Variants in FHIP2B observed in about 807,000 individuals in gnomAD.
The protein encoded by FHIP2B is FHF complex subunit HOOK interacting protein 2B, also known as FHF complex subunit HOOK-interacting protein 2B.
Under a neutral mutation model 84.0 loss-of-function variants are expected in FHIP2B, and 72 were observed. The observed-to-expected ratio is 0.86, with a 90% CI of 0.71 to 1.04. The LOEUF (loss-of-function observed/expected upper bound fraction) is 1.04, where lower values mean the gene tolerates loss of function less well. FHIP2B is among the 50% of genes least tolerant of loss of function. The pLI is 0.00. For synonymous variants in FHIP2B, 497 were observed against 418.7 expected (o/e 1.19, Z -2.28); for missense variants, 972 against 968.9 (o/e 1.00, Z -0.04).
At chr8:22,102,051 C>G (rs1415280715) in intron 14 of FHIP2B, 124 bp from the exon 15 acceptor site, 1 of 1,563,410 alleles carries the variant, frequency 6.4e-7, no homozygotes, top group Non-Finnish European at 8.6e-7. Flanking sequence ...ATCCATGACA[C>G]ACACACATCA....
chr8:22,102,379 A>C (rs1826173040), intron 15 of FHIP2B, 64 bp downstream of exon 15: 5 of 1,350,586 alleles, frequency 3.7e-6, no homozygotes, highest in East Asian at 2.5e-5. Context: ...GGGAAAGGGA[A>C]CGGGGCAGGT....
intron 12 of FHIP2B, 108 bp from the exon 13 acceptor site, chr8:22,101,332 C>CTATT: frequency 1.1e-6 from 1 of 898,050 alleles, no homozygotes; most frequent in South Asian, 1.6e-5. Context: ...CTGAGTTTTA[C>CTATT]TCTTTGGCCA....
At position 22,099,803 on chromosome 8, in the gene FHIP2B, G is replaced by A. The variant is rs1195818629; in HGVS notation, c.1251G>A (p.Leu417=). The A allele has an allele frequency of 6.2e-7, 1 of 1,612,900 alleles. No individual in the cohort carries two copies. Among genetic ancestry groups the A allele is most frequent in the Non-Finnish European group, 8.5e-7 (1 of 1,179,678 alleles). The change falls in exon 10 of 17, where the codon CTG becomes CTA. Residue 417 remains leucine (L), a synonymous_variant. Coordinates refer to ENST00000289921, the MANE Select transcript of FHIP2B (RefSeq NM_022749.7). ...TGCGGGAGGCCGTGGCTTTCCTCCT[G>A]GGCACAGACCGGCAGCCTGAAGCCC... The part of the protein sequence containing the change: ...ALLREAVAFL[L]GTDRQPEAPG...
Position 22,100,645 on chromosome 8 carries a change from G to A in FHIP2B, c.1393G>A (p.Glu465Lys), listed in dbSNP as rs760902459. The change falls in exon 11 of 17, where the codon GAG becomes AAG. Residue 465 changes from glutamate (E) to lysine (K), a missense_variant. Coordinates refer to ENST00000289921, the MANE Select transcript of FHIP2B (RefSeq NM_022749.7). ...TGAGGAGCTGCTGCAGAAGCCCCACGAGGGGATCATCCACAGCCTGGTCCT... is the reference window on the plus strand; with the variant it reads ...TGAGGAGCTGCTGCAGAAGCCCCACAAGGGGATCATCCACAGCCTGGTCCT... ...LFEELLQKPH[E>K]GIIHSLVLRN... 1.4e-5 allele frequency: 22 copies of A among 1,600,492 alleles called. No individual in the cohort carries two copies. The highest frequency in any genetic ancestry group is 2.2e-5 in the East Asian group (1 of 44,694).
intron 2 of FHIP2B, chr8:22,095,289 G>A (rs796799766): frequency 3.3e-5 from 5 of 152,414 alleles, no homozygotes; most frequent in African/African-American, 1.2e-4. Context: ...GCTAGACCAG[G>A]TTTCTCAATC....
At position 22,099,814 on chromosome 8, in the gene FHIP2B, G is replaced by T; in HGVS notation, c.1262G>T (p.Arg421Leu). The change falls in exon 10 of 17, where the codon CGG becomes CTG. Residue 421 changes from arginine to leucine, a missense_variant. Arg to Leu is a moderately radical substitution (Grantham distance 102). Coordinates refer to ENST00000289921, the MANE Select transcript of FHIP2B (RefSeq NM_022749.7). Reference sequence around the variant, plus strand: ...GTGGCTTTCCTCCTGGGCACAGACCGGCAGCCTGAAGCCCCCGGGGACAAC... The same window carrying T: ...GTGGCTTTCCTCCTGGGCACAGACCTGCAGCCTGAAGCCCCCGGGGACAAC... The part of the protein sequence containing the change: ...EAVAFLLGTD[R>L]QPEAPGDNPH... 6.2e-7 allele frequency: 1 copy of T among 1,612,796 alleles called. No homozygotes were observed. The highest frequency in any genetic ancestry group is 8.5e-7 in the Non-Finnish European group (1 of 1,179,622).
Position 22,101,975 on chromosome 8 carries a change from G to A in FHIP2B, c.1851+124G>A, listed in dbSNP as rs899685935. 3 of 1,501,804 alleles carry A rather than the reference G, an allele frequency of 2.0e-6. No homozygotes were observed. In the Admixed American group the frequency reaches 6.2e-5, roughly 31 times the overall value. The allele number at this position is 1,501,804 out of a possible 1,614,324, so 93.0% of individuals were successfully genotyped here. A position where few individuals can be genotyped will look rare whatever the true frequency, so the allele number is the denominator to read the frequency against. On this transcript the variant is annotated intron_variant, in intron 14 of 16. Transcript: ENST00000289921. ...TGGTGCCACCCCTGTCCTTTCCCCAGGTGGGAAGCCCCGTCTCACCCCTGC... is the reference window on the plus strand; with the variant it reads ...TGGTGCCACCCCTGTCCTTTCCCCAAGTGGGAAGCCCCGTCTCACCCCTGC...
At chr8:22,093,370 T>G (rs956973945) in intron 1 of FHIP2B, among the ~76,000 whole-genome samples, 8 of 152,202 alleles carry the variant, frequency 5.3e-5, no homozygotes, top group Non-Finnish European at 8.8e-5. Flanking sequence ...AAAGTGATTG[T>G]TCTCAGTGCA....
At chr8:22,101,960 CCT>C (rs1188712228) in intron 14 of FHIP2B, 109 bp downstream of exon 14, 63 of 1,508,650 alleles carry the variant, frequency 4.2e-5, no homozygotes, top group Middle Eastern at 1.7e-4. Flanking sequence ...TGGTGCCACC[CCT>C]GTCCTTTCCC....
Position 22,089,172 on chromosome 8 carries a change from C to A in FHIP2B, c.-82C>A. 1 of 925,980 alleles carries A rather than the reference C, an allele frequency of 1.1e-6. No homozygotes were observed. Among genetic ancestry groups the A allele is most frequent in the Non-Finnish European group, 1.3e-6 (1 of 761,314 alleles). The allele number at this position is 925,980 out of a possible 1,614,324, so 57.4% of individuals were successfully genotyped here. On this transcript the variant is annotated 5_prime_UTR_variant, in exon 1 of 17. Transcript: ENST00000289921. ...CCCGCCCCCCTCGTCGCGCCGGGGCCGCCGGGGCCACGGGGCTGCCTCCTC... is the reference window on the plus strand; with the variant it reads ...CCCGCCCCCCTCGTCGCGCCGGGGCAGCCGGGGCCACGGGGCTGCCTCCTC...
At chr8:22,101,033 T>G in intron 12 of FHIP2B, 61 bp downstream of exon 12, 2 of 1,536,042 alleles carry the variant, frequency 1.3e-6, no homozygotes, top group Non-Finnish European at 1.8e-6. Context: ...TTTTATTTTT[T>G]GAGATAGAGT....
At chr8:22,089,422 C>T (rs935159931) in intron 1 of FHIP2B, 124 bp downstream of exon 1, 6 of 442,994 alleles carry the variant, frequency 1.4e-5, no homozygotes, top group African/African-American at 1.3e-4. Context: ...GGCAGGGACC[C>T]CCGGGCCGCG....
rs778947373 is a variant in FHIP2B, at chr8:22,102,214, C to T, written c.1891C>T (p.Arg631Trp). 3.1e-6 allele frequency: 5 copies of T among 1,613,438 alleles called. No homozygotes were observed. In the African/African-American group the frequency reaches 4.0e-5, roughly 13 times the overall value. ...LNLQVTSVLS[R>W]LALFPHPHIH... ...CCTGCAGGTGACCTCGGTCCTGTCC[C>T]GGCTTGCCCTCTTCCCCCACCCCCA... Residue 631 changes from arginine (R) to tryptophan (W), a missense_variant, in exon 15 of 17, where the codon CGG becomes TGG. By Grantham distance (101) the Arg-to-Trp change is moderately radical (BLOSUM62 -3). Coordinates refer to ENST00000289921, the MANE Select transcript of FHIP2B (RefSeq NM_022749.7).
In FHIP2B at chr8:22,097,551, C is replaced by A. The variant is rs769621172; in HGVS notation, c.333C>A (p.Phe111Leu). ...PPGMRQQVFQ[F>L]FSKVLAQVQH... Reference sequence around the variant, plus strand: ...GCATGCGGCAGCAGGTGTTCCAGTTCTTCAGCAAGGTTCTGGCGCAGGTGC... The same window carrying A: ...GCATGCGGCAGCAGGTGTTCCAGTTATTCAGCAAGGTTCTGGCGCAGGTGC... The change falls in exon 4 of 17, where the codon TTC becomes TTA. Residue 111 changes from phenylalanine to leucine, a missense_variant. By Grantham distance (22) the Phe-to-Leu change is conservative (BLOSUM62 0). Transcript: ENST00000289921. 1.2e-6 allele frequency: 2 copies of A among 1,610,098 alleles called. No homozygotes were observed. Among genetic ancestry groups the A allele is most frequent in the South Asian group, 2.2e-5 (2 of 90,076 alleles).
chr8:22,092,193 C>G (rs948065563), intron 1 of FHIP2B, among the ~76,000 whole-genome samples: 17 of 152,204 alleles, frequency 1.1e-4, no homozygotes, highest in Non-Finnish European at 1.5e-5. Flanking sequence ...CCCTCCCTCC[C>G]CATGTTGCAG....
chr8:22,102,406 G>A, intron 15 of FHIP2B, 91 bp downstream of exon 15: 1 of 1,438,696 alleles, frequency 7.0e-7, no homozygotes, highest in Non-Finnish European at 9.5e-7. Context: ...GGGCTGGAGG[G>A]GTGGGCACCC....
intron 5 of FHIP2B, 27 bp from the exon 6 acceptor site, chr8:22,098,041 T>C (rs1973254): frequency 0.59 from 920,696 of 1,570,618 alleles, 272,158 homozygotes; most frequent in Admixed American, 0.74. Context: ...CCCCACCAGG[T>C]CTGGCCTCAT....
At chr8:22,096,311 C>A in intron 2 of FHIP2B, 26 bp from the exon 3 acceptor site, 1 of 1,525,084 alleles carries the variant, frequency 6.6e-7, no homozygotes, top group Non-Finnish European at 8.8e-7. Context: ...TTACCCTACT[C>A]ACCCTTGTTT....
Position 22,101,774 on chromosome 8 carries a change from C to G in FHIP2B, c.1774C>G (p.His592Asp), listed in dbSNP as rs554129706. The G allele has an allele frequency of 1.9e-6, 3 of 1,613,500 alleles. No individual in the cohort carries two copies. The African/African-American group carries it at 4.0e-5, about 22-fold the overall frequency. ...WPLTPTPLDP[H>D]EPERPFFEGH... Reference sequence around the variant, plus strand: ...TCTGACCCCCACACCTTTGGACCCCCATGAGCCCGAGCGACCTTTCTTCGA... The same window carrying G: ...TCTGACCCCCACACCTTTGGACCCCGATGAGCCCGAGCGACCTTTCTTCGA... Residue 592 changes from histidine (H) to aspartate (D), a missense_variant, in exon 14 of 17, where the codon CAT becomes GAT. Coordinates refer to ENST00000289921, the MANE Select transcript of FHIP2B (RefSeq NM_022749.7).
Sources: allele counts gnomAD v4.1 joint callset (sites outside exome capture counted in the v4.1 genomes callset), GRCh38; gene constraint gnomAD v4.1.1; transcripts MANE v1.5; gene names NCBI Gene and HGNC (gene_info 2026-07-23, HGNC 2026-07-21).